The following PPP2R3A variants were observed in gnomAD, a reference collection of about 807,000 sequenced individuals.
The protein encoded by PPP2R3A is serine/threonine-protein phosphatase 2A regulatory subunit B'' subunit alpha.
PPP2R3A carries 80 observed loss-of-function variants against 106.9 expected under a neutral mutation model. That is an observed-to-expected ratio of 0.75 (90% CI 0.62 to 0.90). The LOEUF (loss-of-function observed/expected upper bound fraction) is 0.90, where lower values mean the gene tolerates loss of function less well. Among genes scored for constraint, PPP2R3A ranks in the 40% least tolerant of loss-of-function variants. The pLI is 0.00. For missense variants in PPP2R3A, 1,386 were observed against 1,350.4 expected (o/e 1.03, Z -0.41); for synonymous variants, 483 against 468.3 (o/e 1.03, Z -0.41).
intron 5 of PPP2R3A, among the ~76,000 whole-genome samples, chr3:136,052,739 C>T (rs1935725644): frequency 6.6e-6 from 1 of 152,072 alleles, no homozygotes. Flanking sequence ...TTTATACTTC[C>T]CTTAAATCTA....
At chr3:136,097,120 G>A (rs1460837575) in intron 10 of PPP2R3A, among the ~76,000 whole-genome samples, 1 of 150,558 alleles carries the variant, frequency 6.6e-6, no homozygotes, top group Non-Finnish European at 1.5e-5. Flanking sequence ...TTCCTTCTGT[G>A]TTTTCTGTTT....
intron 12 of PPP2R3A, among the ~76,000 whole-genome samples, chr3:136,104,663 A>G (rs536650531): frequency 5.3e-5 from 8 of 152,218 alleles, no homozygotes; most frequent in Non-Finnish European, 1.2e-4. Flanking sequence ...TTGTAAGCCT[A>G]TAATGCATTG....
chr3:136,115,001 A>C (rs899406049), intron 13 of PPP2R3A, among the ~76,000 whole-genome samples: 6 of 152,124 alleles, frequency 3.9e-5, no homozygotes, highest in African/African-American at 1.4e-4. Context: ...GCCAACAGAC[A>C]CCTCATACAG....
chr3:135,994,208 C>T (rs987851173), intron 1 of PPP2R3A, among the ~76,000 whole-genome samples: 1 of 152,146 alleles, frequency 6.6e-6, no homozygotes, highest in Admixed American at 6.6e-5. Flanking sequence ...ATTTCTATTT[C>T]TCTAGAAAAA....
At chr3:136,006,526 A>G (rs974646000) in intron 2 of PPP2R3A, among the ~76,000 whole-genome samples, 1 of 152,210 alleles carries the variant, frequency 6.6e-6, no homozygotes, top group African/African-American at 2.4e-5. Context: ...ACAAACCAAC[A>G]AACAAACAAC....
At chr3:136,098,340 C>T (rs1256571203) in intron 10 of PPP2R3A, among the ~76,000 whole-genome samples, 5 of 152,178 alleles carry the variant, frequency 3.3e-5, no homozygotes, top group Non-Finnish European at 5.9e-5. Context: ...AAAAACTTTT[C>T]AAGTATTACA....
chr3:135,998,275 A>G (rs1340127062), intron 1 of PPP2R3A, among the ~76,000 whole-genome samples: 1 of 152,198 alleles, frequency 6.6e-6, no homozygotes, highest in African/African-American at 2.4e-5. Flanking sequence ...TTATGTACCT[A>G]CATCGCTATA....
intron 2 of PPP2R3A, among the ~76,000 whole-genome samples, chr3:136,003,813 G>A (rs1933746659): frequency 6.6e-6 from 1 of 152,058 alleles, no homozygotes; most frequent in South Asian, 2.1e-4. Flanking sequence ...AAATAATAAG[G>A]ATCAAAATAA....
chr3:136,077,631 T>C (rs1203159628), intron 6 of PPP2R3A, among the ~76,000 whole-genome samples: 3 of 151,766 alleles, frequency 2.0e-5, no homozygotes, highest in Non-Finnish European at 4.4e-5. Flanking sequence ...TTGTTAAGAA[T>C]GCACTGTGAC....
intron 13 of PPP2R3A, among the ~76,000 whole-genome samples, chr3:136,142,489 A>G (rs968167926): frequency 6.6e-6 from 1 of 152,338 alleles, no homozygotes; most frequent in Middle Eastern, 3.4e-3. Flanking sequence ...CAAAAATGAC[A>G]TACACAAAAA....
chr3:135,996,306 A>C (rs1933394854), intron 1 of PPP2R3A, among the ~76,000 whole-genome samples: 1 of 152,044 alleles, frequency 6.6e-6, no homozygotes, highest in Non-Finnish European at 1.5e-5. Context: ...TTTCTTCTAA[A>C]CTGTCATTTT....
At chr3:136,057,357 CA>C (rs1328191059) in intron 5 of PPP2R3A, among the ~76,000 whole-genome samples, 3 of 152,030 alleles carry the variant, frequency 2.0e-5, no homozygotes, top group African/African-American at 7.2e-5. Context: ...CTGTCATTTG[CA>C]GCAATATGGA....
chr3:136,024,322 A>G (rs547827460), intron 2 of PPP2R3A, among the ~76,000 whole-genome samples: 1 of 152,138 alleles, frequency 6.6e-6, no homozygotes, highest in South Asian at 2.1e-4. Flanking sequence ...TTTAAATTAT[A>G]TATCTCCTGT....
At chr3:136,003,514 G>A in intron 2 of PPP2R3A, 21 bp downstream of exon 2, 1 of 1,539,728 alleles carries the variant, frequency 6.5e-7, no homozygotes, top group Non-Finnish European at 8.7e-7. Context: ...ACAATTTTGA[G>A]TCCTAGGAAC....
chr3:136,103,442 A>AAAT, intron 12 of PPP2R3A, 66 bp downstream of exon 12: 1 of 1,106,728 alleles, frequency 9.0e-7, no homozygotes, highest in Non-Finnish European at 1.3e-6. Flanking sequence ...GCTACATATT[A>AAAT]ACATGGTCTC....
chr3:136,089,856 T>C (rs1348784692), intron 9 of PPP2R3A, among the ~76,000 whole-genome samples: 1 of 152,042 alleles, frequency 6.6e-6, no homozygotes, highest in African/African-American at 2.4e-5. Flanking sequence ...TTTTATTTTG[T>C]GTGTGTGTGG....
chr3:136,085,858 G>A (rs906631471), intron 8 of PPP2R3A, among the ~76,000 whole-genome samples: 11 of 148,682 alleles, frequency 7.4e-5, no homozygotes, highest in Admixed American at 1.3e-4. Flanking sequence ...AGGCCAAAGC[G>A]AGTGGATCAC....
At chr3:135,985,667 C>T (rs2107765699) in intron 1 of PPP2R3A, among the ~76,000 whole-genome samples, 1 of 152,230 alleles carries the variant, frequency 6.6e-6, no homozygotes, top group East Asian at 1.9e-4. Flanking sequence ...GCAAATGATG[C>T]ATCTCCAGAT....
At chr3:136,055,711 C>T in intron 5 of PPP2R3A, 1 of 770,782 alleles carries the variant, frequency 1.3e-6, no homozygotes, top group Non-Finnish European at 2.2e-6. Flanking sequence ...TCTGGAGCAA[C>T]TTAGAGAAAT....
Sources: allele counts gnomAD v4.1 joint callset (sites outside exome capture counted in the v4.1 genomes callset), GRCh38; gene constraint gnomAD v4.1.1; transcripts MANE v1.5; gene names NCBI Gene and HGNC (gene_info 2026-07-23, HGNC 2026-07-21).